Variants in SGCZ observed in about 807,000 individuals in gnomAD.
The protein encoded by SGCZ is sarcoglycan zeta, also known as zeta-sarcoglycan.
A neutral mutation model predicts 41.3 loss-of-function variants in SGCZ; 40 were observed. The observed-to-expected ratio is 0.97, with a 90% confidence interval of 0.75 to 1.26. The LOEUF is 1.26. Among genes scored for constraint, SGCZ ranks in the 50% most tolerant of loss-of-function variants. The pLI, the probability that SGCZ is intolerant of heterozygous loss-of-function variation, is 0.00. For missense variants in SGCZ, 552 were observed against 369.8 expected, an observed-to-expected ratio of 1.49 and a Z score of -4.04; for synonymous variants, 206 against 137.5, an observed-to-expected ratio of 1.50 and a Z score of -3.49.
At chr8:14,696,302 G>C (rs141983500) in intron 1 of SGCZ, among the ~76,000 whole-genome samples, 1 of 151,906 alleles carries the variant, frequency 6.6e-6, no homozygotes, top group Non-Finnish European at 1.5e-5. Context: ...ACATTGAAGC[G>C]GTATCAGGAT....
intron 3 of SGCZ, among the ~76,000 whole-genome samples, chr8:14,251,797 A>C (rs1799295984): frequency 1.3e-5 from 2 of 152,088 alleles, no homozygotes; most frequent in South Asian, 4.1e-4. Flanking sequence ...GGCCTGGGAT[A>C]CTTTGCCTCC....
intron 1 of SGCZ, among the ~76,000 whole-genome samples, chr8:15,211,725 A>G (rs574453610): frequency 3.9e-5 from 6 of 152,218 alleles, no homozygotes; most frequent in African/African-American, 7.2e-5. Flanking sequence ...TTATTTCCCA[A>G]TATTCTTATA....
intron 1 of SGCZ, among the ~76,000 whole-genome samples, chr8:14,688,261 TC>T (rs1808682779): frequency 6.6e-6 from 1 of 152,198 alleles, no homozygotes; most frequent in African/African-American, 2.4e-5. Flanking sequence ...AGACATGAAG[TC>T]CTTGCCCATG....
At chr8:14,803,214 C>T (rs1263336316) in intron 1 of SGCZ, among the ~76,000 whole-genome samples, 1 of 152,014 alleles carries the variant, frequency 6.6e-6, no homozygotes, top group South Asian at 2.1e-4. Flanking sequence ...ACCAAACTGT[C>T]CCGGGAGGAG....
At chr8:14,436,674 G>A (rs1800103322) in intron 2 of SGCZ, among the ~76,000 whole-genome samples, 2 of 152,224 alleles carry the variant, frequency 1.3e-5, no homozygotes, top group Non-Finnish European at 2.9e-5. Context: ...TCTTTAGACT[G>A]TCATTCGCAC....
At chr8:15,205,470 A>G (rs1185440076) in intron 1 of SGCZ, among the ~76,000 whole-genome samples, 3 of 152,144 alleles carry the variant, frequency 2.0e-5, no homozygotes, top group Non-Finnish European at 4.4e-5. Context: ...ACCAAAGGAA[A>G]ACATACATGT....
chr8:14,301,904 AT>A (rs1801203207), intron 3 of SGCZ, among the ~76,000 whole-genome samples: 1 of 152,296 alleles, frequency 6.6e-6, no homozygotes, highest in African/African-American at 2.4e-5. Context: ...GAAAAAGATA[AT>A]TTTGTAGCTG....
At chr8:14,126,558 A>G (rs900507867) in intron 5 of SGCZ, among the ~76,000 whole-genome samples, 3 of 152,224 alleles carry the variant, frequency 2.0e-5, no homozygotes, top group East Asian at 1.9e-4. Context: ...TAGTGTAACA[A>G]TTGTGGCAGA....
intron 1 of SGCZ, among the ~76,000 whole-genome samples, chr8:14,639,812 A>T (rs2117424110): frequency 1.3e-5 from 2 of 151,748 alleles, no homozygotes; most frequent in South Asian, 4.1e-4. Flanking sequence ...ATAATTTCAA[A>T]GAAATTATGA....
At chr8:14,347,971 C>T (rs1196742008) in intron 2 of SGCZ, among the ~76,000 whole-genome samples, 1 of 152,116 alleles carries the variant, frequency 6.6e-6, no homozygotes, top group Non-Finnish European at 1.5e-5. Context: ...TCTTTCTCTT[C>T]CTTTCCCACC....
At chr8:15,207,108 T>A (rs1236036348) in intron 1 of SGCZ, among the ~76,000 whole-genome samples, 2 of 152,082 alleles carry the variant, frequency 1.3e-5, no homozygotes, top group Non-Finnish European at 2.9e-5. Context: ...CTTTGCAAAG[T>A]GAGAGTTCTG....
intron 1 of SGCZ, among the ~76,000 whole-genome samples, chr8:14,864,759 A>G (rs145747000): frequency 6.6e-6 from 1 of 152,254 alleles, no homozygotes; most frequent in African/African-American, 2.4e-5. Context: ...CACATTTTTC[A>G]TAACCGGTAA....
intron 3 of SGCZ, among the ~76,000 whole-genome samples, chr8:14,315,678 T>C (rs868135196): frequency 2.6e-5 from 4 of 152,064 alleles, no homozygotes; most frequent in Middle Eastern, 3.4e-3. Flanking sequence ...AGGCCTAAGA[T>C]AGATTTACTT....
chr8:14,230,419 C>A (rs1374281726), intron 4 of SGCZ, among the ~76,000 whole-genome samples: 1 of 152,070 alleles, frequency 6.6e-6, no homozygotes, highest in Non-Finnish European at 1.5e-5. Flanking sequence ...TTAATTTTCA[C>A]ATCTACTATA....
intron 1 of SGCZ, among the ~76,000 whole-genome samples, chr8:14,622,331 A>G (rs111877212): frequency 0.01 from 1,555 of 152,208 alleles, 29 homozygotes; most frequent in African/African-American, 0.036. Context: ...GGAGCCTTCT[A>G]TGAGTTTCTT....
At chr8:15,192,396 A>G (rs1164866830) in intron 1 of SGCZ, among the ~76,000 whole-genome samples, 1 of 152,174 alleles carries the variant, frequency 6.6e-6, no homozygotes. Context: ...ATGCTGAAAT[A>G]TAACAGTTTG....
At chr8:14,519,945 A>C (rs1802741025) in intron 2 of SGCZ, among the ~76,000 whole-genome samples, 1 of 152,142 alleles carries the variant, frequency 6.6e-6, no homozygotes, top group Non-Finnish European at 1.5e-5. Context: ...ACCATGGTTT[A>C]AATTATTAAA....
intron 1 of SGCZ, among the ~76,000 whole-genome samples, chr8:14,887,428 G>A (rs1404749837): frequency 6.6e-6 from 1 of 152,072 alleles, no homozygotes; most frequent in Non-Finnish European, 1.5e-5. Flanking sequence ...GTATGCTAAT[G>A]TAAAGAGAAA....
At chr8:15,089,806 T>C (rs1025119683) in intron 1 of SGCZ, among the ~76,000 whole-genome samples, 6 of 152,158 alleles carry the variant, frequency 3.9e-5, no homozygotes, top group African/African-American at 1.4e-4. Flanking sequence ...TGGATCATAT[T>C]GTTTCAATAT....
Sources: gnomAD v4.1 joint callset for allele counts (sites outside exome capture counted in the v4.1 genomes callset) on GRCh38, gnomAD v4.1.1 for gene constraint, MANE v1.5 for transcripts, NCBI Gene and HGNC (gene_info 2026-07-23, HGNC 2026-07-21) for gene names.